PARVB: variants seen among roughly 807,000 people sequenced by gnomAD.
PARVB encodes beta-parvin.
PARVB carries 46 observed loss-of-function variants against 47.0 expected under a neutral mutation model. The ratio of observed to expected loss-of-function variants is 0.98; its 90% confidence interval spans 0.77 to 1.25. The LOEUF is 1.25. Ranked by LOEUF, PARVB falls within the 50% of genes most tolerant of loss-of-function variation. The pLI is 0.00. For missense variants in PARVB, 473 were observed against 471.6 expected (o/e 1.00, Z -0.03); for synonymous variants, 196 against 196.3 (o/e 1.00, Z 0.01).
At chr22:44,060,536 G>A (rs190440002) in intron 1 of PARVB, among the ~76,000 whole-genome samples, 3 of 152,162 alleles carry the variant, frequency 2.0e-5, no homozygotes, top group Admixed American at 6.6e-5. Context: ...TGGGGCAACC[G>A]GAGCTTAGGG....
At chr22:44,120,241 G>C (rs117750084) in intron 4 of PARVB, among the ~76,000 whole-genome samples, 141 of 152,340 alleles carry the variant, frequency 9.3e-4, no homozygotes, top group Non-Finnish European at 1.9e-3. Context: ...TGGGGGTCTG[G>C]CTGAATGAGC....
intron 1 of PARVB, among the ~76,000 whole-genome samples, chr22:44,063,252 A>C (rs1467877046): frequency 6.8e-6 from 1 of 146,066 alleles, no homozygotes; most frequent in Non-Finnish European, 1.5e-5. Flanking sequence ...TTTGAGATGG[A>C]GTCTCGGTCT....
chr22:44,050,095 C>G (rs1394693894), intron 1 of PARVB, among the ~76,000 whole-genome samples: 1 of 152,180 alleles, frequency 6.6e-6, no homozygotes, highest in Non-Finnish European at 1.5e-5. Flanking sequence ...ATGAACGGGC[C>G]TCCTCTCCCA....
chr22:44,004,972 G>A (rs1267508147), intron 2 of PARVB, among the ~76,000 whole-genome samples: 1 of 152,164 alleles, frequency 6.6e-6, no homozygotes, highest in Non-Finnish European at 1.5e-5. Flanking sequence ...CAGGGACAGT[G>A]CTGTGTACTC....
intron 2 of PARVB, among the ~76,000 whole-genome samples, chr22:44,098,854 A>C (rs2052372067): frequency 6.6e-6 from 1 of 152,130 alleles, no homozygotes; most frequent in Non-Finnish European, 1.5e-5. Context: ...TATTTTTAAA[A>C]ATAGAGACAG....
At chr22:44,105,607 C>T (rs2052549255) in intron 3 of PARVB, 1 of 152,208 alleles carries the variant, frequency 6.6e-6, no homozygotes, top group Admixed American at 6.5e-5. Context: ...AGAATGTAAT[C>T]TTATGCTGTG....
intron 1 of PARVB, among the ~76,000 whole-genome samples, chr22:44,091,295 T>TG (rs1555901701): frequency 0.053 from 7,527 of 141,752 alleles, 224 homozygotes; most frequent in Middle Eastern, 0.094. Flanking sequence ...TTTTTTTTTT[T>TG]GCTATTTAAA....
chr22:44,029,368 G>A (rs2050784494), intron 1 of PARVB, among the ~76,000 whole-genome samples: 1 of 152,198 alleles, frequency 6.6e-6, no homozygotes, highest in Non-Finnish European at 1.5e-5. Context: ...CAAGTCATGT[G>A]TTTTGCAAAT....
chr22:44,163,833 C>T (rs1418567938), intron 11 of PARVB, 25 bp from the exon 12 acceptor site: 12 of 1,589,976 alleles, frequency 7.5e-6, no homozygotes, highest in Non-Finnish European at 1.0e-5. Flanking sequence ...GACCCTAACG[C>T]TGACCCACCC....
At chr22:44,000,012 AAAAG>A (rs1292621721) in intron 2 of PARVB, among the ~76,000 whole-genome samples, 5 of 152,006 alleles carry the variant, frequency 3.3e-5, no homozygotes, top group Admixed American at 6.5e-5. Context: ...GTCACAAAAA[AAAAG>A]AAAGAAAGTG....
At chr22:44,071,096 G>C (rs1601557611) in intron 1 of PARVB, among the ~76,000 whole-genome samples, 1 of 152,170 alleles carries the variant, frequency 6.6e-6, no homozygotes. Flanking sequence ...CCTGGGGCCA[G>C]TGTGGGGTGT....
chr22:44,066,796 CTCCTCCTCCTCCTCCTCCTCCTCCTCT>C, intron 1 of PARVB, among the ~76,000 whole-genome samples: 13 of 144,592 alleles, frequency 9.0e-5, no homozygotes, highest in Non-Finnish European at 1.8e-4. Context: ...CCTCCTCCTC[CTCCTCCTCCTCCTCCTCCTCCTCCTCT>C]TCCTCCTCCA....
intron 1 of PARVB, among the ~76,000 whole-genome samples, chr22:44,080,146 C>T (rs1365842218): frequency 2.6e-5 from 4 of 152,236 alleles, no homozygotes; most frequent in Admixed American, 1.3e-4. Flanking sequence ...CGGTGTGGAG[C>T]AGGGCTCAGT....
intron 4 of PARVB, among the ~76,000 whole-genome samples, chr22:44,128,967 A>T (rs901026227): frequency 6.6e-6 from 1 of 152,120 alleles, no homozygotes; most frequent in Non-Finnish European, 1.5e-5. Context: ...AATCCCAGCT[A>T]CTCGGGAGGC....
intron 3 of PARVB, among the ~76,000 whole-genome samples, chr22:44,101,897 G>T (rs1048906804): frequency 2.0e-5 from 3 of 152,292 alleles, no homozygotes; most frequent in African/African-American, 7.2e-5. Flanking sequence ...CGTTGATGAG[G>T]AAAGTCACTG....
intron 1 of PARVB, among the ~76,000 whole-genome samples, chr22:44,046,543 C>A (rs1482289867): frequency 6.6e-6 from 1 of 152,258 alleles, no homozygotes; most frequent in East Asian, 1.9e-4. Context: ...CCTGTGGTTA[C>A]TTGGCATGTT....
chr22:44,072,374 A>T (rs2146983100), intron 1 of PARVB, among the ~76,000 whole-genome samples: 1 of 152,170 alleles, frequency 6.6e-6, no homozygotes, highest in East Asian at 1.9e-4. Flanking sequence ...ATCAGATAGG[A>T]CAAGGGAAGG....
intron 4 of PARVB, among the ~76,000 whole-genome samples, chr22:44,120,528 T>C (rs1415296364): frequency 6.6e-6 from 1 of 152,180 alleles, no homozygotes; most frequent in East Asian, 1.9e-4. Context: ...CTGCTTGTCC[T>C]CCTGGGGGCA....
At chr22:44,008,675 C>G (rs2050491798) in intron 2 of PARVB, among the ~76,000 whole-genome samples, 1 of 152,110 alleles carries the variant, frequency 6.6e-6, no homozygotes, top group Non-Finnish European at 1.5e-5. Flanking sequence ...GCCTGTCTTT[C>G]TTGCTTGCTT....
Sources: allele counts gnomAD v4.1 joint callset (sites outside exome capture counted in the v4.1 genomes callset), GRCh38; gene constraint gnomAD v4.1.1; transcripts MANE v1.5; gene names NCBI Gene and HGNC (gene_info 2026-07-23, HGNC 2026-07-21).